TMEM178B: variants seen among roughly 807,000 people sequenced by gnomAD.
TMEM178B encodes the protein transmembrane protein 178B.
Under a neutral mutation model 31.0 loss-of-function variants are expected in TMEM178B, and 5 were observed. The ratio of observed to expected loss-of-function variants is 0.16; its 90% CI spans 0.08 to 0.34. The LOEUF (loss-of-function observed/expected upper bound fraction) is 0.34. Among genes scored for constraint, TMEM178B ranks in the 10% least tolerant of loss-of-function variants. TMEM178B has a pLI of 1.00. For synonymous variants in TMEM178B, 164 were observed against 164.0 expected (o/e 1.00, Z 0.00); for missense variants, 275 against 400.3 (o/e 0.69, Z 2.67).
intron 2 of TMEM178B, among the ~76,000 whole-genome samples, chr7:141,324,907 A>G (rs931822156): frequency 6.6e-6 from 1 of 152,134 alleles, no homozygotes; most frequent in African/African-American, 2.4e-5. Context: ...ACACTCTCCA[A>G]TTGAAATCAT....
chr7:141,275,897 C>T (rs4726445), intron 2 of TMEM178B, among the ~76,000 whole-genome samples: 7,367 of 152,158 alleles, frequency 0.048, 294 homozygotes, highest in East Asian at 0.13. Context: ...TTCAGAGGCT[C>T]CTCGTGCTAC....
intron 2 of TMEM178B, among the ~76,000 whole-genome samples, chr7:141,223,911 C>T (rs1307945078): frequency 2.0e-5 from 3 of 152,118 alleles, no homozygotes; most frequent in Admixed American, 1.3e-4. Context: ...TCAAATTTTA[C>T]TTATAAACTG....
rs935884652 is a variant in TMEM178B, at chr7:141,438,665, A to G, written c.634+920A>G. Among the ~76,000 whole-genome samples, 3 of 135,864 alleles carry G rather than the reference A, an allele frequency of 2.2e-5. No homozygotes were observed. The East Asian group carries it at 7.3e-4, about 33-fold the overall frequency. 89.1% of individuals were successfully genotyped at this position (135,864 alleles called of 152,430 possible). A position where few individuals can be genotyped will look rare whatever the true frequency, so the allele number is the denominator to read the frequency against. ...CATGAGGTCAGGAGTTCGAGACCAG[A>G]CTGGCCAGCTTGGTAAAACCCCGTC... On this transcript the variant is annotated intron_variant, in intron 3 of 3. Coordinates refer to ENST00000565468, the MANE Select transcript of TMEM178B (RefSeq NM_001195278.2).
intron 2 of TMEM178B, among the ~76,000 whole-genome samples, chr7:141,277,046 G>T (rs999620492): frequency 6.6e-6 from 1 of 152,194 alleles, no homozygotes; most frequent in African/African-American, 2.4e-5. Flanking sequence ...GAGTGAATGT[G>T]AAGGCCCAGG....
intron 2 of TMEM178B, among the ~76,000 whole-genome samples, chr7:141,367,011 C>T (rs886540239): frequency 7.0e-6 from 1 of 143,684 alleles, no homozygotes; most frequent in African/African-American, 2.6e-5. Context: ...TGATGGACAG[C>T]TGCTTATTTA....
intron 2 of TMEM178B, among the ~76,000 whole-genome samples, chr7:141,230,821 T>G (rs907264971): frequency 6.6e-6 from 1 of 152,114 alleles, no homozygotes; most frequent in African/African-American, 2.4e-5. Flanking sequence ...TTTTTATTTT[T>G]TGTAGATTAC....
chr7:141,419,397 C>T (rs1801159871), intron 2 of TMEM178B, among the ~76,000 whole-genome samples: 1 of 152,146 alleles, frequency 6.6e-6, no homozygotes. Flanking sequence ...CCCCTTCTCT[C>T]ATATTCAATT....
intron 1 of TMEM178B, among the ~76,000 whole-genome samples, chr7:141,141,049 A>C (rs1012086556): frequency 2.0e-5 from 3 of 152,162 alleles, no homozygotes; most frequent in Non-Finnish European, 4.4e-5. Context: ...CTCCTTTAGG[A>C]TGCAGTATCT....
chr7:141,449,723 G>A (rs564970707), intron 3 of TMEM178B, among the ~76,000 whole-genome samples: 1 of 152,280 alleles, frequency 6.6e-6, no homozygotes, highest in Admixed American at 6.5e-5. Context: ...GCAAGGACTC[G>A]GCAGCAGCCC....
At chr7:141,100,837 G>T (rs1226350309) in intron 1 of TMEM178B, among the ~76,000 whole-genome samples, 2 of 152,012 alleles carry the variant, frequency 1.3e-5, no homozygotes, top group Non-Finnish European at 2.9e-5. Flanking sequence ...AATTTATTCC[G>T]AAAGAGGCAT....
rs1802441566 is a variant in TMEM178B at position 141,479,790 on chromosome 7, C to T, written c.*9004C>T. Reference sequence around the variant, plus strand: ...GCTCAGTCAATATAAATTTATTTACCTTTATTTTAATTTGCATAGTGCTTT... The same window carrying T: ...GCTCAGTCAATATAAATTTATTTACTTTTATTTTAATTTGCATAGTGCTTT... On this transcript the variant is annotated 3_prime_UTR_variant, in exon 4 of 4. Transcript: ENST00000565468. 6.6e-6 allele frequency: 1 copy of T among 152,138 alleles called. No individual in the cohort carries two copies. Among genetic ancestry groups the T allele is most frequent in the Non-Finnish European group, 1.5e-5 (1 of 68,026 alleles). 9.4% of individuals were successfully genotyped at this position (152,138 alleles called of 1,614,324 possible).
chr7:141,304,197 G>T (rs557212752), intron 2 of TMEM178B, among the ~76,000 whole-genome samples: 1 of 152,100 alleles, frequency 6.6e-6, no homozygotes, highest in Non-Finnish European at 1.5e-5. Context: ...AAAGCACTAC[G>T]TATTTCTCCT....
intron 1 of TMEM178B, among the ~76,000 whole-genome samples, chr7:141,174,975 G>A (rs951429308): frequency 9.9e-5 from 15 of 152,128 alleles, no homozygotes; most frequent in East Asian, 7.7e-4. Context: ...ATCAGATCCC[G>A]TTTGTCAATT....
rs771682543 is a variant in TMEM178B, at chr7:141,388,505, T to A, written c.497-49103T>A. On this transcript the variant is annotated intron_variant, in intron 2 of 3. Coordinates refer to ENST00000565468, the MANE Select transcript of TMEM178B (RefSeq NM_001195278.2). ...CTAAACAATGAGAAAGTAGATTAAT[T>A]CTTTCTTCCTCCTGAGGTTGTTTTG... Among the ~76,000 whole-genome samples, 152 of 152,200 alleles carry A rather than the reference T, an allele frequency of 1.0e-3. 1 individual carries two copies. Among genetic ancestry groups the A allele is most frequent in the East Asian group, 5.8e-4 (3 of 5,204 alleles).
In TMEM178B at chr7:141,074,159, C is replaced by A. The variant is rs574069269; in HGVS notation, c.-152C>A. The A allele has an allele frequency of 6.5e-4, 769 of 1,177,234 alleles. 10 individuals carry two copies. In the South Asian group the frequency reaches 0.014, roughly 21 times the overall value. 72.9% of individuals were successfully genotyped at this position (1,177,234 alleles called of 1,614,324 possible). Reference sequence around the variant, plus strand: ...CCATCCCCGCAGTCCCCGGGCCGTGCTCCGGTAGGCGGGGGCCGAGGGGGC... The same window carrying A: ...CCATCCCCGCAGTCCCCGGGCCGTGATCCGGTAGGCGGGGGCCGAGGGGGC... On this transcript the variant is annotated 5_prime_UTR_variant, in exon 1 of 4. Coordinates refer to ENST00000565468, the MANE Select transcript of TMEM178B (RefSeq NM_001195278.2). The surrounding 1 kb of genome is among the most constrained non-coding windows in gnomAD (Gnocchi z 5.1).
At chr7:141,489,646 C>T in the TMEM178B span, among the ~76,000 whole-genome samples, 2 of 152,106 alleles carry the variant, frequency 1.3e-5, no homozygotes, top group Non-Finnish European at 2.9e-5. Context: ...CTCTCTTTCT[C>T]TCTGTCTCTC....
At chr7:141,234,240 G>C (rs564652936) in intron 2 of TMEM178B, among the ~76,000 whole-genome samples, 4 of 152,146 alleles carry the variant, frequency 2.6e-5, no homozygotes, top group Admixed American at 6.5e-5. Flanking sequence ...TCAATAAAGG[G>C]CACATTGGGG....
chr7:141,216,682 G>A (rs951470678), intron 2 of TMEM178B, among the ~76,000 whole-genome samples: 14 of 151,986 alleles, frequency 9.2e-5, no homozygotes, highest in Non-Finnish European at 1.8e-4. Flanking sequence ...GGTGCCTTTC[G>A]CCTTCTCACC....
intron 1 of TMEM178B, among the ~76,000 whole-genome samples, chr7:141,189,525 G>A (rs1022955920): frequency 2.6e-5 from 4 of 152,340 alleles, no homozygotes; most frequent in African/African-American, 9.6e-5. Context: ...TCCAGAAGGT[G>A]GAGTCCTCAG....
Sources: allele counts gnomAD v4.1 joint callset (sites outside exome capture counted in the v4.1 genomes callset), GRCh38; gene constraint gnomAD v4.1.1; non-coding constraint Gnocchi (gnomAD v3.1); transcripts MANE v1.5; gene names NCBI Gene and HGNC (gene_info 2026-07-23, HGNC 2026-07-21).